The following UXS1 variants were observed in gnomAD, a reference collection of about 807,000 sequenced individuals.
The protein encoded by UXS1 is UDP-glucuronic acid decarboxylase 1.
UXS1 carries 33 observed loss-of-function variants against 62.6 expected under a neutral mutation model. The ratio of observed to expected loss-of-function variants is 0.53; its 90% confidence interval spans 0.40 to 0.70. The LOEUF is 0.70. Ranked by LOEUF, UXS1 falls within the 30% of genes least tolerant of loss-of-function variation. The pLI is 0.00. For synonymous variants in UXS1, 213 were observed against 206.8 expected, an observed-to-expected ratio of 1.03 and a Z score of -0.26; for missense variants, 434 against 556.3, an observed-to-expected ratio of 0.78 and a Z score of 2.21.
chr2:106,124,748 G>A (rs904695935), intron 8 of UXS1, among the ~76,000 whole-genome samples: 1 of 152,044 alleles, frequency 6.6e-6, no homozygotes, highest in African/African-American at 2.4e-5. Context: ...ATTAATAACT[G>A]CCCAGGACTT....
chr2:106,153,739 G>A (rs933879260), intron 5 of UXS1, among the ~76,000 whole-genome samples: 6 of 152,144 alleles, frequency 3.9e-5, no homozygotes, highest in African/African-American at 1.4e-4. Context: ...CCCAGGTGTT[G>A]GATATAACAA....
rs374296139 is a variant in UXS1 at position 106,145,399 on chromosome 2, T to A, written c.292-29A>T. The A allele has an allele frequency of 9.3e-4, 1,475 of 1,587,922 alleles. 1 individual carries two copies. Among genetic ancestry groups the A allele is most frequent in the Non-Finnish European group, 1.2e-3 (1,426 of 1,166,496 alleles). ...CATCCGGACAGCGTGTGCAGAGCAT[T>A]CCCAGAAAAAGCACATGAGAACACA... On this transcript the variant is annotated intron_variant, in intron 5 of 14. Transcript: ENST00000283148.
At chr2:106,179,634 G>A (rs187391093) in intron 1 of UXS1, 1 of 152,318 alleles carries the variant, frequency 6.6e-6, no homozygotes, top group East Asian at 1.9e-4. Context: ...TATCCTTAAG[G>A]GGTTTCACTC....
At chr2:106,136,965 CAAAA>C (rs397701050) in intron 6 of UXS1, among the ~76,000 whole-genome samples, 2 of 54,160 alleles carry the variant, frequency 3.7e-5, no homozygotes, top group African/African-American at 7.4e-5. Flanking sequence ...AGAACACACA[CAAAA>C]AAAAAAAAAA....
intron 5 of UXS1, among the ~76,000 whole-genome samples, chr2:106,149,226 T>C (rs1232826292): frequency 2.0e-5 from 3 of 152,122 alleles, no homozygotes; most frequent in African/African-American, 4.8e-5. Context: ...TGGTGATGTG[T>C]AAAGCAAAAT....
At chr2:106,189,029 A>G (rs1299553414) in intron 1 of UXS1, among the ~76,000 whole-genome samples, 2 of 152,218 alleles carry the variant, frequency 1.3e-5, no homozygotes, top group Non-Finnish European at 2.9e-5. Context: ...GAGACGTCCC[A>G]AAAGTGCAAC....
At chr2:106,097,012 C>G in intron 13 of UXS1, 191 bp from the exon 14 acceptor site, 1 of 702,522 alleles carries the variant, frequency 1.4e-6, no homozygotes, top group South Asian at 1.5e-5. Context: ...AGTGCTCCTG[C>G]AACTGCTGTG....
rs538153701 is a variant in UXS1, at chr2:106,113,140, T to C, written c.760-375A>G. Among the ~76,000 whole-genome samples, 7 of 152,374 alleles carry C rather than the reference T, an allele frequency of 4.6e-5. No individual in the cohort carries two copies. In the East Asian group the frequency reaches 1.2e-3, roughly 25 times the overall value. ...TATGAATATGCTTTTCTAATCTTTT[T>C]CACATAATATATTGTGCAAATTAAT... On this transcript the variant is annotated intron_variant, in intron 9 of 14. Transcript: ENST00000283148.
At chr2:106,121,298 G>A (rs1173475136) in intron 9 of UXS1, among the ~76,000 whole-genome samples, 1 of 152,056 alleles carries the variant, frequency 6.6e-6, no homozygotes, top group Non-Finnish European at 1.5e-5. Flanking sequence ...TATACTTAAG[G>A]CAATAGGTAT....
chr2:106,143,552 C>T (rs1216575014), intron 6 of UXS1, among the ~76,000 whole-genome samples: 2 of 151,736 alleles, frequency 1.3e-5, no homozygotes, highest in East Asian at 1.9e-4. Flanking sequence ...TATCCATTCA[C>T]GATCCGATCT....
chr2:106,095,891 C>CAGCAGGCGGCAGAGCAGA (rs1677039155), intron 14 of UXS1, among the ~76,000 whole-genome samples: 1 of 152,216 alleles, frequency 6.6e-6, no homozygotes, highest in Non-Finnish European at 1.5e-5. Flanking sequence ...AGGAAGGGCA[C>CAGCAGGCGGCAGAGCAGA]AGCAGGCGGC....
intron 8 of UXS1, among the ~76,000 whole-genome samples, chr2:106,123,568 C>T (rs1053104621): frequency 2.0e-4 from 31 of 152,284 alleles, no homozygotes; most frequent in African/African-American, 5.8e-4. Flanking sequence ...GACAAGTCAA[C>T]GTGGAGGCTC....
chr2:106,114,045 C>T (rs991994509), intron 9 of UXS1, among the ~76,000 whole-genome samples: 1 of 152,214 alleles, frequency 6.6e-6, no homozygotes, highest in Non-Finnish European at 1.5e-5. Flanking sequence ...CAGAATTTCT[C>T]CACCAGTATA....
intron 5 of UXS1, among the ~76,000 whole-genome samples, chr2:106,156,678 G>A (rs1437221166): frequency 6.6e-6 from 1 of 152,030 alleles, no homozygotes; most frequent in Non-Finnish European, 1.5e-5. Context: ...ATCATCTCTA[G>A]ATAATTATAA....
chr2:106,186,318 A>G (rs1467763504), intron 1 of UXS1, among the ~76,000 whole-genome samples: 3 of 152,218 alleles, frequency 2.0e-5, no homozygotes, highest in East Asian at 1.9e-4. Flanking sequence ...CCCAGACACT[A>G]CATGTTCCCA....
At chr2:106,138,791 A>T in intron 6 of UXS1, 3 of 985,340 alleles carry the variant, frequency 3.0e-6, no homozygotes, top group Non-Finnish European at 2.4e-6. Context: ...GAAACTGAAA[A>T]CCCTATGAAA....
intron 10 of UXS1, among the ~76,000 whole-genome samples, chr2:106,107,014 C>T (rs1215888533): frequency 6.6e-6 from 1 of 152,046 alleles, no homozygotes; most frequent in Non-Finnish European, 1.5e-5. Context: ...AACTGTGGCT[C>T]TCAGGCTGGC....
chr2:106,114,532 C>G (rs952764848), intron 9 of UXS1, among the ~76,000 whole-genome samples: 6 of 152,162 alleles, frequency 3.9e-5, no homozygotes, highest in African/African-American at 1.4e-4. Context: ...AAAACCTCAG[C>G]AAATTTACAA....
At position 106,142,397 on chromosome 2, in the gene UXS1, T is replaced by C. The variant is rs148770715; in HGVS notation, c.472+2793A>G. On this transcript the variant is annotated intron_variant, in intron 6 of 14. Transcript: ENST00000283148. ...TAGTTCAAAGTATGTTTAATCTCTC[T>C]TGAGATTTTTCCTTTGTCTCATATC... Among the ~76,000 whole-genome samples, 421 of 152,352 alleles carry C rather than the reference T, an allele frequency of 2.8e-3. 1 individual carries two copies. The highest frequency in any genetic ancestry group is 9.7e-3 in the African/African-American group (404 of 41,580).
Sources: allele counts gnomAD v4.1 joint callset (sites outside exome capture counted in the v4.1 genomes callset), GRCh38; gene constraint gnomAD v4.1.1; transcripts MANE v1.5; gene names NCBI Gene and HGNC (gene_info 2026-07-23, HGNC 2026-07-21).